ARPP21: variants seen among roughly 807,000 people sequenced by gnomAD.
ARPP21 encodes the protein cAMP-regulated phosphoprotein 21.
In ARPP21, 69 loss-of-function variants were observed where a neutral mutation model predicts 113.2. The ratio of observed to expected loss-of-function variants is 0.61; its 90% CI spans 0.50 to 0.74. The LOEUF is 0.74. Ranked by LOEUF, ARPP21 falls within the 30% of genes least tolerant of loss-of-function variation. ARPP21 has a pLI of 0.00. For synonymous variants in ARPP21, 368 were observed against 375.5 expected (o/e 0.98, Z 0.23); for missense variants, 1,070 against 1,037.4 (o/e 1.03, Z -0.43).
At chr3:35,697,774 A>G (rs74680040) in intron 9 of ARPP21, among the ~76,000 whole-genome samples, 8,332 of 151,718 alleles carry the variant, frequency 0.055, 306 homozygotes, top group Non-Finnish European at 0.083. Context: ...CACTCCCTGC[A>G]GGTGATTAAG....
intron 13 of ARPP21, among the ~76,000 whole-genome samples, chr3:35,720,740 G>T (rs988551308): frequency 6.6e-6 from 1 of 152,106 alleles, no homozygotes; most frequent in Non-Finnish European, 1.5e-5. Flanking sequence ...TAAAACACAT[G>T]CAATTTTGCA....
chr3:35,711,218 C>T (rs538486340), intron 11 of ARPP21, among the ~76,000 whole-genome samples: 2 of 152,000 alleles, frequency 1.3e-5, no homozygotes, highest in African/African-American at 4.8e-5. Flanking sequence ...CCTAGGGCAG[C>T]GTTTTAAATT....
chr3:35,644,129 C>T (rs1292122424), intron 1 of ARPP21, among the ~76,000 whole-genome samples: 1 of 151,658 alleles, frequency 6.6e-6, no homozygotes, highest in Non-Finnish European at 1.5e-5. Context: ...TGCTGAAGGA[C>T]TGTTGAAGGA....
chr3:35,692,028 C>T (rs894004549), intron 9 of ARPP21, among the ~76,000 whole-genome samples: 3 of 151,350 alleles, frequency 2.0e-5, no homozygotes, highest in Admixed American at 6.6e-5. Context: ...CAGCAGAGGT[C>T]GGGGGAAAGT....
intron 1 of ARPP21, among the ~76,000 whole-genome samples, chr3:35,663,770 G>A (rs1411427504): frequency 6.6e-6 from 1 of 152,092 alleles, no homozygotes. Context: ...CCATATACTC[G>A]CATTTCCACT....
chr3:35,711,391 A>G (rs2091073709), intron 11 of ARPP21, among the ~76,000 whole-genome samples: 1 of 152,224 alleles, frequency 6.6e-6, no homozygotes, highest in South Asian at 2.1e-4. Flanking sequence ...TTAAAAGGCT[A>G]AGACCCTTTC....
At chr3:35,650,797 C>T (rs573400411) in intron 1 of ARPP21, among the ~76,000 whole-genome samples, 3 of 152,200 alleles carry the variant, frequency 2.0e-5, no homozygotes, top group Admixed American at 2.0e-4. Flanking sequence ...CCCATTAAAT[C>T]ATACATTTAC....
At chr3:35,749,752 T>C (rs2095332241) in intron 19 of ARPP21, among the ~76,000 whole-genome samples, 1 of 152,146 alleles carries the variant, frequency 6.6e-6, no homozygotes, top group Non-Finnish European at 1.5e-5. Flanking sequence ...GATTATAGTA[T>C]TCAGATTATA....
At chr3:35,643,834 C>T (rs1277352609) in intron 1 of ARPP21, 1 of 151,996 alleles carries the variant, frequency 6.6e-6, no homozygotes, top group African/African-American at 2.4e-5. Context: ...TAAGTACTGG[C>T]ATCATTCTAA....
Position 35,640,115 on chromosome 3 carries a change from A to T in ARPP21, c.-496A>T, listed in dbSNP as rs944493641. ...CAGCAGCAGGGGCAGCGGGGACACA[A>T]GCCGCGACCGAGCCGCCGCCGCAGC... On this transcript the variant is annotated 5_prime_UTR_variant, in exon 1 of 21. The change creates a new upstream start codon in the 5' untranslated region. Transcript: ENST00000684406. 1 of 152,246 alleles carries T rather than the reference A, an allele frequency of 6.6e-6. No individual in the cohort carries two copies. Among genetic ancestry groups the T allele is most frequent in the Non-Finnish European group, 1.5e-5 (1 of 68,118 alleles). The allele number at this position is 152,246 out of a possible 1,614,324, so 9.4% of individuals were successfully genotyped here.
chr3:35,699,493 T>C (rs1161510825), intron 9 of ARPP21, among the ~76,000 whole-genome samples: 1 of 151,682 alleles, frequency 6.6e-6, no homozygotes, highest in Non-Finnish European at 1.5e-5. Flanking sequence ...AAACAATAAA[T>C]TGGAATCTAT....
chr3:35,674,657 C>T (rs1050889381), intron 1 of ARPP21, among the ~76,000 whole-genome samples: 1 of 151,830 alleles, frequency 6.6e-6, no homozygotes, highest in South Asian at 2.1e-4. Flanking sequence ...GCAGCTAGAT[C>T]TCAGACAACT....
chr3:35,792,328 A>G, intron 19 of ARPP21, 54 bp from the exon 20 acceptor site: 10 of 1,568,790 alleles, frequency 6.4e-6, no homozygotes, highest in Non-Finnish European at 8.8e-6. Context: ...ACCCCATGAA[A>G]CATCACTGTG....
intron 1 of ARPP21, among the ~76,000 whole-genome samples, chr3:35,665,925 A>G (rs2149228123): frequency 6.6e-6 from 1 of 152,168 alleles, no homozygotes; most frequent in East Asian, 1.9e-4. Flanking sequence ...ACGTGATAGA[A>G]TGTGTGCATT....
chr3:35,757,153 C>T (rs539249907), intron 19 of ARPP21, among the ~76,000 whole-genome samples: 1 of 150,130 alleles, frequency 6.7e-6, no homozygotes, highest in South Asian at 2.1e-4. Context: ...CCTTGAACTG[C>T]CGAGCTCAAA....
rs779243087 is a variant in ARPP21, at chr3:35,706,996, C to G, written c.709C>G (p.His237Asp). 1 of 1,613,860 alleles carries G rather than the reference C, an allele frequency of 6.2e-7. No homozygotes were observed. The highest frequency in any genetic ancestry group is 1.7e-5 in the Admixed American group (1 of 59,966). ...TRIPEQRFCE[H>D]LKDEKGEESQ... Reference sequence around the variant, plus strand: ...CAGACCAGAGCAAAGGTTTTGTGAACATTTAAAAGATGAAAAAGGTGAAGA... The same window carrying G: ...CAGACCAGAGCAAAGGTTTTGTGAAGATTTAAAAGATGAAAAAGGTGAAGA... Residue 237 changes from histidine (H) to aspartate (D), a missense_variant, in exon 10 of 21, where the codon CAT (histidine) becomes GAT (aspartate). By Grantham distance (81) the His-to-Asp change is moderately conservative. Transcript: ENST00000684406.
intron 14 of ARPP21, among the ~76,000 whole-genome samples, chr3:35,725,245 T>C (rs988611592): frequency 7.2e-5 from 11 of 152,140 alleles, no homozygotes; most frequent in Non-Finnish European, 1.6e-4. Flanking sequence ...TTCATGATGA[T>C]TAGATTTCAA....
At chr3:35,779,541 C>T (rs2096472350) in intron 19 of ARPP21, among the ~76,000 whole-genome samples, 1 of 151,796 alleles carries the variant, frequency 6.6e-6, no homozygotes. Flanking sequence ...ATCACCACAT[C>T]CATTGTGCAT....
In ARPP21 at chr3:35,793,763, A is replaced by C; in HGVS notation, c.2349A>C (p.Leu783=). 6.2e-7 allele frequency: 1 copy of C among 1,613,824 alleles called. No individual in the cohort carries two copies. Among genetic ancestry groups the C allele is most frequent in the Non-Finnish European group, 8.5e-7 (1 of 1,179,740 alleles). ...PQQSYQQPIM[L]PNQAGQGSLP... is the part of the protein sequence containing the mutation. ...AGTCATACCAACAGCCAATCATGCT[A>C]CCTAACCAGGCAGGTCAAGGGTCAC... Residue 783 remains leucine (L), a synonymous_variant, in exon 21 of 21, where the codon CTA becomes CTC. Transcript: ENST00000684406.
Sources: allele counts gnomAD v4.1 joint callset (sites outside exome capture counted in the v4.1 genomes callset), GRCh38; gene constraint gnomAD v4.1.1; transcripts MANE v1.5; gene names NCBI Gene and HGNC (gene_info 2026-07-23, HGNC 2026-07-21).